The following SPAST variants were observed in gnomAD, a reference collection of about 807,000 sequenced individuals.
The protein encoded by SPAST is spastin, also known as spastic paraplegia 4 (autosomal dominant; spastin).
In SPAST, 30 loss-of-function variants were observed where a neutral mutation model predicts 76.6. That is an observed-to-expected ratio of 0.39 (90% CI 0.29 to 0.53). The LOEUF is 0.53. Ranked by LOEUF, SPAST falls within the 20% of genes least tolerant of loss-of-function variation. The pLI is 0.68. For synonymous variants in SPAST, 305 were observed against 281.0 expected, an observed-to-expected ratio of 1.09 and a Z score of -0.86; for missense variants, 717 against 770.5, an observed-to-expected ratio of 0.93 and a Z score of 0.82.
At chr2:32,131,236 T>C (rs760402878) in intron 9 of SPAST, among the ~76,000 whole-genome samples, 2 of 152,232 alleles carry the variant, frequency 1.3e-5, no homozygotes, top group African/African-American at 2.4e-5. Flanking sequence ...TTTGTACTTA[T>C]TCTTCAGATA....
intron 16 of SPAST, among the ~76,000 whole-genome samples, chr2:32,152,432 T>A (rs1680119307): frequency 6.6e-6 from 1 of 152,022 alleles, no homozygotes; most frequent in African/African-American, 2.4e-5. Context: ...TAGCTGGGCG[T>A]GGTGGCGCAC....
At chr2:32,140,061 T>A (rs1054431357) in intron 12 of SPAST, among the ~76,000 whole-genome samples, 3 of 152,164 alleles carry the variant, frequency 2.0e-5, no homozygotes, top group African/African-American at 4.8e-5. Flanking sequence ...TTTTCTGTTT[T>A]CTTTTGCACA....
At chr2:32,151,589 G>A (rs562059148) in intron 16 of SPAST, among the ~76,000 whole-genome samples, 7 of 151,980 alleles carry the variant, frequency 4.6e-5, no homozygotes, top group South Asian at 4.1e-4. Flanking sequence ...GTCAGTTACC[G>A]GTGAATATAT....
chr2:32,147,205 T>G lies in SPAST; in HGVS notation c.1688-13T>G. 1 of 1,604,588 alleles carries G rather than the reference T, an allele frequency of 6.2e-7. No individual in the cohort carries two copies. The highest frequency in any genetic ancestry group is 8.5e-7 in the Non-Finnish European group (1 of 1,171,520). On this transcript the variant is annotated splice_polypyrimidine_tract_variant and intron_variant, in intron 15 of 16. Transcript: ENST00000315285. Reference sequence around the variant, plus strand: ...GTATGTATTTTTAAGTGCCTGACTTTTATGTTTTACAGAACTAAAACCAGA... The same window carrying G: ...GTATGTATTTTTAAGTGCCTGACTTGTATGTTTTACAGAACTAAAACCAGA...
chr2:32,082,005 CTTTTTTTT>C (rs35493322), intron 1 of SPAST, among the ~76,000 whole-genome samples: 4 of 71,214 alleles, frequency 5.6e-5, no homozygotes, highest in Admixed American at 1.9e-4. Flanking sequence ...AGTTCTCTCT[CTTTTTTTT>C]TTTTTTTTTT....
At chr2:32,067,649 T>A (rs1467675648) in intron 1 of SPAST, among the ~76,000 whole-genome samples, 1 of 151,576 alleles carries the variant, frequency 6.6e-6, no homozygotes, top group Non-Finnish European at 1.5e-5. Context: ...TAAAAATAAT[T>A]ATTTAATTTA....
chr2:32,121,707 C>T (rs1275449216), intron 7 of SPAST, among the ~76,000 whole-genome samples: 2 of 151,634 alleles, frequency 1.3e-5, no homozygotes, highest in Non-Finnish European at 2.9e-5. Flanking sequence ...CCATGCCCGG[C>T]TAATTGTTGT....
At position 32,154,613 on chromosome 2, in the gene SPAST, C is replaced by A; in HGVS notation, c.*117C>A. ...GTTTACAGGACTTTTTAGAGTCTTA[C>A]ATATTTGTGCACCAAACTTGAAGAT... On this transcript the variant is annotated 3_prime_UTR_variant, in exon 17 of 17. Transcript: ENST00000315285. 2 of 976,970 alleles carry A rather than the reference C, an allele frequency of 2.0e-6. No individual in the cohort carries two copies. The highest frequency in any genetic ancestry group is 2.1e-5 in the Admixed American group (1 of 47,288). The allele number at this position is 976,970 out of a possible 1,614,324, so 60.5% of individuals were successfully genotyped here.
intron 5 of SPAST, among the ~76,000 whole-genome samples, chr2:32,115,335 A>C (rs1678787930): frequency 6.6e-6 from 1 of 152,072 alleles, no homozygotes; most frequent in South Asian, 2.1e-4. Flanking sequence ...TTGCTTACCC[A>C]GTCTGTTTTA....
chr2:32,084,547 G>C (rs1240804839), intron 1 of SPAST, among the ~76,000 whole-genome samples: 1 of 152,008 alleles, frequency 6.6e-6, no homozygotes, highest in African/African-American at 2.4e-5. Flanking sequence ...AGCATTGTTT[G>C]AAATGTTGAA....
chr2:32,064,707 G>T (rs1266883140), intron 1 of SPAST, among the ~76,000 whole-genome samples: 1 of 152,184 alleles, frequency 6.6e-6, no homozygotes, highest in Non-Finnish European at 1.5e-5. Context: ...AACAAATGGT[G>T]ACAATTTTGA....
chr2:32,089,595 A>T lies in SPAST; in HGVS notation c.576A>T (p.Leu192Phe). ...MTNLVMAKDRLQLLEKMQPVL... is the reference protein window; with the variant it reads ...MTNLVMAKDRFQLLEKMQPVL... The stretch of plus-strand genomic sequence containing the variant: ...ATTTGGTTATGGCCAAGGACCGCTT[A>T]CAACTTCTAGGTATCAATTAATGTA... The change falls in exon 3 of 17, where the codon TTA (leucine) becomes TTT (phenylalanine). Residue 192 changes from leucine (L) to phenylalanine (F), a missense_variant. Leu to Phe is a conservative substitution (Grantham distance 22, BLOSUM62 0). Coordinates refer to ENST00000315285, the MANE Select transcript of SPAST (RefSeq NM_014946.4). 6.4e-7 allele frequency: 1 copy of T among 1,561,664 alleles called. No homozygotes were observed. Among genetic ancestry groups the T allele is most frequent in the Non-Finnish European group, 8.8e-7 (1 of 1,132,308 alleles).
chr2:32,087,696 T>C (rs1677546150), intron 2 of SPAST, 118 bp downstream of exon 2: 1 of 212,970 alleles, frequency 4.7e-6, no homozygotes, highest in Non-Finnish European at 8.6e-6. Flanking sequence ...TTTCTTTTCT[T>C]TTTTTTTTTT....
intron 4 of SPAST, among the ~76,000 whole-genome samples, chr2:32,108,352 C>A (rs955588636): frequency 1.3e-5 from 2 of 152,132 alleles, no homozygotes; most frequent in African/African-American, 4.8e-5. Flanking sequence ...ATGACTCTCA[C>A]GTAGCAACTT....
chr2:32,097,727 T>G (rs1677973730), intron 3 of SPAST, among the ~76,000 whole-genome samples: 1 of 145,952 alleles, frequency 6.9e-6, no homozygotes, highest in South Asian at 2.2e-4. Context: ...AGAGTCTCGC[T>G]CTGTCACCCA....
At chr2:32,070,878 G>A (rs1168334317) in intron 1 of SPAST, among the ~76,000 whole-genome samples, 1 of 152,184 alleles carries the variant, frequency 6.6e-6, no homozygotes, top group Non-Finnish European at 1.5e-5. Context: ...TTTCTTGGAA[G>A]ACTGAAAACC....
At chr2:32,151,781 A>G (rs1481126277) in intron 16 of SPAST, among the ~76,000 whole-genome samples, 3 of 152,032 alleles carry the variant, frequency 2.0e-5, no homozygotes, top group Admixed American at 6.6e-5. Context: ...GTGGTGGCAC[A>G]TGCCTGTAAT....
intron 9 of SPAST, among the ~76,000 whole-genome samples, chr2:32,136,151 G>A (rs192544729): frequency 1.3e-5 from 2 of 151,900 alleles, no homozygotes; most frequent in African/African-American, 4.8e-5. Context: ...GTTCTTAATA[G>A]CGCAAGTTTT....
Position 32,143,398 on chromosome 2 carries a change from A to G in SPAST, c.1599A>G (p.Glu533=). Residue 533 remains glutamate, a synonymous_variant, in exon 14 of 17, where the codon GAA becomes GAG. Transcript: ENST00000315285. Reference sequence around the variant, plus strand: ...AAGGAAGTCCATTGACCCAAAAAGAACTAGCACAACTTGCTAGGTGAGTAA... The same window carrying G: ...AAGGAAGTCCATTGACCCAAAAAGAGCTAGCACAACTTGCTAGGTGAGTAA... ...CKQGSPLTQK[E]LAQLARMTDG... is the part of the protein sequence containing the mutation. The G allele has an allele frequency of 1.2e-6, 2 of 1,606,224 alleles. No homozygotes were observed. Among genetic ancestry groups the G allele is most frequent in the Non-Finnish European group, 1.7e-6 (2 of 1,173,500 alleles).
Sources: allele counts gnomAD v4.1 joint callset (sites outside exome capture counted in the v4.1 genomes callset), GRCh38; gene constraint gnomAD v4.1.1; transcripts MANE v1.5; gene names NCBI Gene and HGNC (gene_info 2026-07-23, HGNC 2026-07-21).